The following COL6A6 variants were observed in gnomAD, a reference collection of about 807,000 sequenced individuals.
COL6A6 encodes the protein collagen type VI alpha 6 chain.
COL6A6 carries 183 observed loss-of-function variants against 208.6 expected under a neutral mutation model. That is an observed-to-expected ratio of 0.88 (90% CI 0.78 to 0.99). The LOEUF (loss-of-function observed/expected upper bound fraction) is 0.99, where lower values mean the gene tolerates loss of function less well. Among genes scored for constraint, COL6A6 ranks in the 50% least tolerant of loss-of-function variants. The pLI, the probability that COL6A6 is intolerant of heterozygous loss-of-function variation, is 0.00. For missense variants in COL6A6, 2,816 were observed against 2,815.2 expected, an observed-to-expected ratio of 1.00 and a Z score of -0.01; for synonymous variants, 973 against 1,011.8, an observed-to-expected ratio of 0.96 and a Z score of 0.73.
intron 7 of COL6A6, among the ~76,000 whole-genome samples, chr3:130,573,601 C>T (rs1263627008): frequency 7.7e-6 from 1 of 129,348 alleles, no homozygotes; most frequent in East Asian, 2.3e-4. Flanking sequence ...GGGTCTTGCT[C>T]TGTCACCCAG....
Position 130,574,127 on chromosome 3 carries a change from C to T in COL6A6, c.3149C>T (p.Pro1050Leu), listed in dbSNP as rs368734825. 1.5e-4 allele frequency: 249 copies of T among 1,613,844 alleles called. No individual in the cohort carries two copies. The highest frequency in any genetic ancestry group is 1.9e-4 in the Non-Finnish European group (219 of 1,179,900). ...GCCCAGTTTAGCGATACCTATCACC[C>T]GGAGTTTCCACTGGGAACTTTCATA... ...GAAQFSDTYH[P>L]EFPLGTFIGE... Residue 1050 changes from proline to leucine, a missense_variant, in exon 8 of 37, where the codon CCG becomes CTG. Coordinates refer to ENST00000358511, the MANE Select transcript of COL6A6 (RefSeq NM_001102608.3).
chr3:130,622,843 C>T (rs12494634), intron 24 of COL6A6, among the ~76,000 whole-genome samples: 46,152 of 151,288 alleles, frequency 0.31, 8,859 homozygotes, highest in African/African-American at 0.51. Flanking sequence ...GGCGACAGAG[C>T]GAGACTCTGT....
At position 130,560,405 on chromosome 3, in the gene COL6A6, A is replaced by G. The variant is rs369546804; in HGVS notation, c.41A>G (p.His14Arg). The G allele has an allele frequency of 2.5e-6, 4 of 1,611,930 alleles. No individual in the cohort carries two copies. The South Asian group carries it at 3.3e-5, about 13-fold the overall frequency. The change falls in exon 2 of 37, where the codon CAT becomes CGT. Residue 14 changes from histidine to arginine, a missense_variant. Coordinates refer to ENST00000358511, the MANE Select transcript of COL6A6 (RefSeq NM_001102608.3). Reference sequence around the variant, plus strand: ...TTGTTCCTCGTGATAATTTGTTCCCATATTTCTGTGAACCAAGATTCCGGT... The same window carrying G: ...TTGTTCCTCGTGATAATTTGTTCCCGTATTTCTGTGAACCAAGATTCCGGT... ...LILFLVIICS[H>R]ISVNQDSGPE...
At chr3:130,584,755 C>A (rs1285061445) in intron 10 of COL6A6, among the ~76,000 whole-genome samples, 1 of 152,090 alleles carries the variant, frequency 6.6e-6, no homozygotes, top group Non-Finnish European at 1.5e-5. Context: ...GCTGGGACTA[C>A]AGGCGCCTGC....
At chr3:130,590,771 G>A (rs981253143) in intron 12 of COL6A6, among the ~76,000 whole-genome samples, 5 of 151,966 alleles carry the variant, frequency 3.3e-5, no homozygotes, top group Middle Eastern at 3.4e-3. Context: ...GTTTCACCGT[G>A]TTAGCCAGGA....
chr3:130,675,156 G>A, intron 36 of COL6A6, 46 bp from the exon 37 acceptor site: 3 of 1,259,244 alleles, frequency 2.4e-6, no homozygotes, highest in Non-Finnish European at 2.1e-6. Flanking sequence ...GTCTATTAAA[G>A]TTGAAATGGC....
In COL6A6 at chr3:130,563,513, T is replaced by A; in HGVS notation, c.510T>A (p.Ser170=). 1 of 1,614,012 alleles carries A rather than the reference T, an allele frequency of 6.2e-7. No homozygotes were observed. The highest frequency in any genetic ancestry group is 8.5e-7 in the Non-Finnish European group (1 of 1,179,890). Residue 170 remains serine, a synonymous_variant, in exon 3 of 37, where the codon TCT becomes TCA. Transcript: ENST00000358511. ...KIISVGVQKA[S]EENLKAMATS... ...TCTCTGTAGGGGTGCAGAAAGCTTC[T>A]GAGGAAAACCTGAAGGCCATGGCCA...
intron 33 of COL6A6, among the ~76,000 whole-genome samples, chr3:130,654,477 TA>T (rs1377026289): frequency 6.6e-6 from 1 of 152,240 alleles, no homozygotes; most frequent in East Asian, 1.9e-4. Flanking sequence ...TCTTAATAGC[TA>T]TTAATAATGC....
chr3:130,664,804 A>C (rs2066031053), intron 35 of COL6A6, among the ~76,000 whole-genome samples, 199 bp from the exon 36 acceptor site: 1 of 152,164 alleles, frequency 6.6e-6, no homozygotes, highest in Non-Finnish European at 1.5e-5. Context: ...TTCACCTATA[A>C]ATTCAGAAGG....
intron 33 of COL6A6, among the ~76,000 whole-genome samples, chr3:130,654,070 A>G (rs551907097): frequency 8.5e-5 from 13 of 152,356 alleles, no homozygotes; most frequent in Non-Finnish European, 1.8e-4. Context: ...TGTTTGGGCA[A>G]TGTCTTGAGA....
chr3:130,563,394 T>C lies in COL6A6; in HGVS notation c.391T>C (p.Phe131Leu). The change falls in exon 3 of 37, where the codon TTT becomes CTT. Residue 131 changes from phenylalanine to leucine, a missense_variant. Phe to Leu is a conservative substitution (Grantham distance 22, BLOSUM62 0). Coordinates refer to ENST00000358511, the MANE Select transcript of COL6A6 (RefSeq NM_001102608.3). ...APANGRDKKQ[F>L]PPILVVLASS... ...CGCAAATGGGAGAGACAAGAAACAG[T>C]TTCCCCCAATTCTAGTGGTCCTGGC... The C allele has an allele frequency of 2.5e-6, 4 of 1,613,942 alleles. No homozygotes were observed. Among genetic ancestry groups the C allele is most frequent in the Non-Finnish European group, 2.5e-6 (3 of 1,179,888 alleles).
At chr3:130,542,082 T>G (rs2062376922) in intron 1 of COL6A6, among the ~76,000 whole-genome samples, 1 of 151,894 alleles carries the variant, frequency 6.6e-6, no homozygotes, top group Non-Finnish European at 1.5e-5. Flanking sequence ...GCTTATCAAT[T>G]TTATTGTTTT....
chr3:130,542,715 A>C (rs1436739666), intron 1 of COL6A6, among the ~76,000 whole-genome samples: 1 of 152,140 alleles, frequency 6.6e-6, no homozygotes, highest in Non-Finnish European at 1.5e-5. Context: ...GATTTTAGGC[A>C]CATACCTGTT....
intron 23 of COL6A6, among the ~76,000 whole-genome samples, chr3:130,617,749 C>G (rs986562373): frequency 2.0e-5 from 3 of 152,130 alleles, no homozygotes; most frequent in Non-Finnish European, 4.4e-5. Flanking sequence ...AGTTTTCATA[C>G]ATTACCCCCA....
chr3:130,648,367 A>G (rs2065522319), intron 32 of COL6A6, among the ~76,000 whole-genome samples: 1 of 152,242 alleles, frequency 6.6e-6, no homozygotes, highest in Non-Finnish European at 1.5e-5. Flanking sequence ...AGCACCTACT[A>G]TGTGCCAGGT....
At chr3:130,657,630 A>G (rs1372876428) in intron 33 of COL6A6, among the ~76,000 whole-genome samples, 1 of 152,212 alleles carries the variant, frequency 6.6e-6, no homozygotes, top group Non-Finnish European at 1.5e-5. Context: ...AGTACGTACT[A>G]AGTTAGGTTG....
rs1311219615 is a variant in COL6A6 at position 130,567,000 on chromosome 3, A to G, written c.1581A>G (p.Gln527=). 4 of 1,614,064 alleles carry G rather than the reference A, an allele frequency of 2.5e-6. No homozygotes were observed. Among genetic ancestry groups the G allele is most frequent in the South Asian group, 1.1e-5 (1 of 91,090 alleles). ...AALNFTLSLL[Q]KAKKQRGNKV... ...TGAATTTCACACTGAGTCTGTTGCA[A>G]AAAGCAAAGAAGCAGCGAGGAAACA... Residue 527 remains glutamine (Q), a synonymous_variant, in exon 5 of 37, where the codon CAA becomes CAG. Transcript: ENST00000358511.
chr3:130,609,952 CTTT>C lies in COL6A6; in HGVS notation c.4753-676_4753-674del, dbSNP rs1054764231. ...TTGCTTTCCAGCTGAGGAAAGCTCA[CTTT>C]TTTTTTTTTTTTTTTTTTTTAACCT... On this transcript the variant is annotated intron_variant, in intron 22 of 36. Transcript: ENST00000358511. Among the ~76,000 whole-genome samples the C allele has an allele frequency of 8.0e-3, 932 of 116,254 alleles. 10 individuals carry two copies. Among genetic ancestry groups the C allele is most frequent in the Admixed American group, 0.019 (230 of 11,984 alleles). The allele number at this position is 116,254 out of a possible 152,430, so 76.3% of individuals were successfully genotyped here.
chr3:130,661,061 C>G (rs1282568686), intron 34 of COL6A6, among the ~76,000 whole-genome samples: 2 of 152,088 alleles, frequency 1.3e-5, no homozygotes, highest in Non-Finnish European at 2.9e-5. Context: ...CCATTAATAT[C>G]TAATATTCAT....
Sources: gnomAD v4.1 joint callset for allele counts (sites outside exome capture counted in the v4.1 genomes callset) on GRCh38, gnomAD v4.1.1 for gene constraint, MANE v1.5 for transcripts, NCBI Gene and HGNC (gene_info 2026-07-23, HGNC 2026-07-21) for gene names.